WDR41: variants seen among roughly 807,000 people sequenced by gnomAD.
The protein encoded by WDR41 is WD repeat-containing protein 41.
In WDR41, 63 loss-of-function variants were observed where a neutral mutation model predicts 69.3. The ratio of observed to expected loss-of-function variants is 0.91; its 90% CI spans 0.74 to 1.12. WDR41 has a LOEUF of 1.12. Ranked by LOEUF, WDR41 falls within the 50% of genes most tolerant of loss-of-function variation. The pLI, the probability that WDR41 is intolerant of heterozygous loss-of-function variation, is 0.00. For missense variants in WDR41, 543 were observed against 534.5 expected (o/e 1.02, Z -0.16); for synonymous variants, 185 against 192.1 (o/e 0.96, Z 0.31).
At chr5:77,435,291 C>T (rs2151283316) in intron 12 of WDR41, among the ~76,000 whole-genome samples, 1 of 152,340 alleles carries the variant, frequency 6.6e-6, no homozygotes, top group East Asian at 1.9e-4. Flanking sequence ...AGTCCTATAT[C>T]CTCTAACCAT....
chr5:77,497,884 T>G (rs1325263168), intron 1 of WDR41, among the ~76,000 whole-genome samples: 1 of 152,216 alleles, frequency 6.6e-6, no homozygotes, highest in East Asian at 1.9e-4. Flanking sequence ...AAATGTGATG[T>G]ATGCATATAA....
At chr5:77,498,887 A>G (rs75451577) in intron 1 of WDR41, among the ~76,000 whole-genome samples, 1,833 of 152,198 alleles carry the variant, frequency 0.012, 37 homozygotes, top group African/African-American at 0.04. Flanking sequence ...ATTTTATCTC[A>G]AAAGTACAAT....
At chr5:77,450,469 C>A (rs955689415) in intron 7 of WDR41, among the ~76,000 whole-genome samples, 7 of 152,264 alleles carry the variant, frequency 4.6e-5, no homozygotes, top group South Asian at 4.1e-4. Context: ...CTGACTTTAA[C>A]AAATACAGTT....
At chr5:77,603,585 A>G (rs1180884944) in intron 1 of WDR41, among the ~76,000 whole-genome samples, 1 of 152,126 alleles carries the variant, frequency 6.6e-6, no homozygotes, top group Non-Finnish European at 1.5e-5. Context: ...AGTTTAATAT[A>G]GTTCTATTTG....
chr5:77,473,799 A>G (rs370879124), intron 2 of WDR41, among the ~76,000 whole-genome samples: 1 of 152,282 alleles, frequency 6.6e-6, no homozygotes, highest in South Asian at 2.1e-4. Context: ...GAAACAACAG[A>G]TGCTGGAGAG....
chr5:77,558,110 AAAAAAAC>A (rs1435878308), intron 1 of WDR41, among the ~76,000 whole-genome samples: 7 of 149,624 alleles, frequency 4.7e-5, no homozygotes, highest in African/African-American at 1.2e-4. Flanking sequence ...AAAAAAAAAA[AAAAAAAC>A]AAAACAGGAG....
At chr5:77,611,955 G>A (rs369029725) in intron 1 of WDR41, among the ~76,000 whole-genome samples, 9 of 151,974 alleles carry the variant, frequency 5.9e-5, no homozygotes, top group Non-Finnish European at 1.2e-4. Flanking sequence ...AATGAAAAAG[G>A]GGATATCACC....
chr5:77,594,843 A>C (rs1314744935), intron 1 of WDR41, among the ~76,000 whole-genome samples: 1 of 152,224 alleles, frequency 6.6e-6, no homozygotes, highest in African/African-American at 2.4e-5. Flanking sequence ...ACAACATCTG[A>C]GGTTCCAACT....
intron 1 of WDR41, among the ~76,000 whole-genome samples, chr5:77,499,830 C>T (rs1265136484): frequency 6.6e-6 from 1 of 152,038 alleles, no homozygotes; most frequent in Non-Finnish European, 1.5e-5. Flanking sequence ...TCTGCCTGGG[C>T]CCGAGACTAA....
chr5:77,589,006 GA>G (rs914831663), intron 1 of WDR41, among the ~76,000 whole-genome samples: 2 of 152,046 alleles, frequency 1.3e-5, no homozygotes, highest in Non-Finnish European at 2.9e-5. Context: ...ACAAAAATGT[GA>G]AAAATGTGGC....
intron 6 of WDR41, 113 bp from the exon 7 acceptor site, chr5:77,451,466 A>G: frequency 1.1e-6 from 1 of 885,526 alleles, no homozygotes; most frequent in South Asian, 1.5e-5. Flanking sequence ...TAAAGCACAC[A>G]GAACTAGCTC....
upstream of WDR41, among the ~76,000 whole-genome samples, chr5:77,494,016 G>C (rs1474832889): frequency 6.6e-6 from 1 of 151,934 alleles, no homozygotes; most frequent in Non-Finnish European, 1.5e-5. Context: ...GATGTAATTT[G>C]TGGCATCAAT....
At chr5:77,559,571 T>C (rs1193107662) in intron 1 of WDR41, among the ~76,000 whole-genome samples, 1 of 151,758 alleles carries the variant, frequency 6.6e-6, no homozygotes, top group Non-Finnish European at 1.5e-5. Context: ...AATGTTGTTA[T>C]ATAAATATAA....
intron 1 of WDR41, among the ~76,000 whole-genome samples, chr5:77,581,567 A>G (rs959638208): frequency 6.6e-6 from 1 of 152,216 alleles, no homozygotes; most frequent in Non-Finnish European, 1.5e-5. Flanking sequence ...TCTCAAGTGG[A>G]TGTGGAGGAT....
chr5:77,567,495 T>G (rs968290744), intron 1 of WDR41, among the ~76,000 whole-genome samples: 25 of 151,862 alleles, frequency 1.6e-4, no homozygotes, highest in Non-Finnish European at 3.7e-4. Flanking sequence ...CCTCACAGAG[T>G]TACTTGACCC....
At chr5:77,449,643 A>G (rs927150242) in intron 8 of WDR41, 117 bp downstream of exon 8, 10 of 687,592 alleles carry the variant, frequency 1.5e-5, no homozygotes, top group Non-Finnish European at 2.2e-5. Flanking sequence ...GAGAATGACA[A>G]TCCCATTATT....
chr5:77,602,653 T>C (rs960048442), intron 1 of WDR41, among the ~76,000 whole-genome samples: 1 of 152,202 alleles, frequency 6.6e-6, no homozygotes, highest in African/African-American at 2.4e-5. Flanking sequence ...TGTTCATCCT[T>C]TGATGGACAT....
At chr5:77,439,446 T>A (rs1799073856) in intron 9 of WDR41, among the ~76,000 whole-genome samples, 2 of 152,252 alleles carry the variant, frequency 1.3e-5, no homozygotes, top group South Asian at 4.1e-4. Flanking sequence ...GCCAGGGCAT[T>A]AATGAACACT....
At chr5:77,517,693 G>T (rs1802311426) in intron 1 of WDR41, among the ~76,000 whole-genome samples, 1 of 149,526 alleles carries the variant, frequency 6.7e-6, no homozygotes, top group South Asian at 2.1e-4. Context: ...AAGAGAAAAA[G>T]GATGTGAATA....
Sources: gnomAD v4.1 joint callset for allele counts (sites outside exome capture counted in the v4.1 genomes callset) on GRCh38, gnomAD v4.1.1 for gene constraint, MANE v1.5 for transcripts, NCBI Gene and HGNC (gene_info 2026-07-23, HGNC 2026-07-21) for gene names.